Variants in ZMYM4 observed in about 807,000 individuals in gnomAD.
ZMYM4 encodes the protein zinc finger MYM-type protein 4.
Under a neutral mutation model 183.2 loss-of-function variants are expected in ZMYM4, and 31 were observed. That is an observed-to-expected ratio of 0.17 (90% CI 0.13 to 0.23). The LOEUF (loss-of-function observed/expected upper bound fraction) is 0.23, where lower values mean the gene tolerates loss of function less well. Ranked by LOEUF, ZMYM4 falls within the 10% of genes least tolerant of loss-of-function variation. The probability of loss-of-function intolerance (pLI) is 1.00; values close to 1 mark genes in which losing one functional copy is unlikely to be tolerated. For missense variants in ZMYM4, 1,273 were observed against 1,840.3 expected, an observed-to-expected ratio of 0.69 and a Z score of 5.64; for synonymous variants, 592 against 631.2, an observed-to-expected ratio of 0.94 and a Z score of 0.93.
chr1:35,341,283 T>G (rs537471664), intron 2 of ZMYM4, among the ~76,000 whole-genome samples: 2 of 152,096 alleles, frequency 1.3e-5, no homozygotes, highest in African/African-American at 4.8e-5. Context: ...TCCAAAAATA[T>G]TTTGTTGGAC....
At chr1:35,348,199 T>G (rs1336178774) in intron 2 of ZMYM4, among the ~76,000 whole-genome samples, 1 of 152,218 alleles carries the variant, frequency 6.6e-6, no homozygotes, top group Admixed American at 6.5e-5. Context: ...TTAAAATTGG[T>G]AAAAATCAAA....
At chr1:35,388,789 G>A (rs1246753591) in intron 13 of ZMYM4, 121 bp from the exon 14 acceptor site, 2 of 860,670 alleles carry the variant, frequency 2.3e-6, no homozygotes, top group South Asian at 3.2e-5. Context: ...CCTCCCGCCA[G>A]CCTCCCAAAG....
intron 1 of ZMYM4, among the ~76,000 whole-genome samples, chr1:35,272,568 C>T (rs1204050713): frequency 6.6e-6 from 1 of 152,166 alleles, no homozygotes; most frequent in Non-Finnish European, 1.5e-5. Context: ...GGGTTGAGTA[C>T]CAAGTTCTCT....
At chr1:35,328,384 T>G (rs1642593602) in intron 2 of ZMYM4, among the ~76,000 whole-genome samples, 1 of 151,944 alleles carries the variant, frequency 6.6e-6, no homozygotes, top group African/African-American at 2.4e-5. Context: ...TGGGGTCAAG[T>G]GATCCTCCCA....
intron 5 of ZMYM4, among the ~76,000 whole-genome samples, chr1:35,368,732 C>G (rs772929144): frequency 6.6e-6 from 1 of 151,986 alleles, no homozygotes; most frequent in Non-Finnish European, 1.5e-5. Flanking sequence ...TATGAATATT[C>G]ACAGAGATAT....
intron 10 of ZMYM4, 105 bp from the exon 11 acceptor site, chr1:35,385,968 AC>A (rs2148977309): frequency 1.4e-6 from 1 of 702,474 alleles, no homozygotes; most frequent in African/African-American, 1.9e-5. Context: ...CCTACAACTT[AC>A]CCTGGCTCTT....
intron 1 of ZMYM4, among the ~76,000 whole-genome samples, chr1:35,275,129 T>C (rs186614199): frequency 2.6e-4 from 39 of 152,364 alleles, no homozygotes; most frequent in African/African-American, 9.1e-4. Flanking sequence ...TCTTAAAATA[T>C]GTATTCACAG....
At chr1:35,334,098 T>C (rs549788864) in intron 2 of ZMYM4, among the ~76,000 whole-genome samples, 1 of 151,380 alleles carries the variant, frequency 6.6e-6, no homozygotes, top group Non-Finnish European at 1.5e-5. Context: ...GGCGGATCGC[T>C]TGAGCCCAGG....
At chr1:35,321,957 TAA>T (rs550322703) in intron 1 of ZMYM4, among the ~76,000 whole-genome samples, 7 of 144,244 alleles carry the variant, frequency 4.9e-5, no homozygotes, top group Admixed American at 7.0e-5. Flanking sequence ...ATATTGCATT[TAA>T]AAAAAAAAAA....
At chr1:35,359,736 T>C (rs1643896018) in intron 3 of ZMYM4, among the ~76,000 whole-genome samples, 1 of 152,102 alleles carries the variant, frequency 6.6e-6, no homozygotes, top group East Asian at 1.9e-4. Flanking sequence ...TTTTCTTTGG[T>C]TGAACATTGG....
chr1:35,303,536 G>T (rs1158903588), intron 1 of ZMYM4, among the ~76,000 whole-genome samples: 1 of 152,082 alleles, frequency 6.6e-6, no homozygotes, highest in Admixed American at 6.5e-5. Flanking sequence ...CTCCCAAGTG[G>T]CTGCGACTAT....
At chr1:35,391,233 G>A (rs1472032507) in intron 15 of ZMYM4, among the ~76,000 whole-genome samples, 3 of 152,124 alleles carry the variant, frequency 2.0e-5, no homozygotes, top group Non-Finnish European at 4.4e-5. Flanking sequence ...CTTGAGGGAC[G>A]TTTTACATGG....
intron 1 of ZMYM4, among the ~76,000 whole-genome samples, chr1:35,291,792 C>T (rs767407718): frequency 4.6e-5 from 7 of 151,986 alleles, no homozygotes; most frequent in African/African-American, 1.2e-4. Context: ...TGCCTGCCAC[C>T]GCGCCTGTCT....
At chr1:35,351,958 A>G (rs375517461) in intron 2 of ZMYM4, among the ~76,000 whole-genome samples, 2 of 152,192 alleles carry the variant, frequency 1.3e-5, no homozygotes, top group Admixed American at 6.5e-5. Flanking sequence ...CTTGTGCAAA[A>G]TCTAAGTCTA....
intron 1 of ZMYM4, among the ~76,000 whole-genome samples, chr1:35,285,240 A>C (rs769709141): frequency 1.3e-5 from 2 of 152,164 alleles, no homozygotes; most frequent in East Asian, 3.8e-4. Flanking sequence ...ACAGGGATCA[A>C]AATTGAATTT....
chr1:35,411,377 G>A lies in ZMYM4; in HGVS notation c.3949-2595G>A, dbSNP rs548916202. Among the ~76,000 whole-genome samples the A allele has an allele frequency of 9.4e-4, 142 of 151,552 alleles. 1 individual carries two copies. Among genetic ancestry groups the A allele is most frequent in the Non-Finnish European group, 1.6e-3 (109 of 67,870 alleles). On this transcript the variant is annotated intron_variant, in intron 26 of 29. Transcript: ENST00000314607. ...TCACTGTGTTAGCCAGGATGGTCTC[G>A]ATCTCATGACCTTGTGATCCGCCTG...
chr1:35,290,564 G>A (rs1196887539), intron 1 of ZMYM4, among the ~76,000 whole-genome samples: 1 of 151,980 alleles, frequency 6.6e-6, no homozygotes, highest in East Asian at 1.9e-4. Context: ...CCAATAGCTA[G>A]GACTAGAGGT....
At position 35,320,393 on chromosome 1, in the gene ZMYM4, C is replaced by T. The variant is rs1274572259; in HGVS notation, c.40-4967C>T. On this transcript the variant is annotated intron_variant, in intron 1 of 29. Transcript: ENST00000314607. The stretch of plus-strand genomic sequence containing the variant: ...GGAAAGGTGGCATGCCCAGAGAAGA[C>T]GTGGGAACTCCATGCCTCTCCCCAG... 2.0e-5 allele frequency among the ~76,000 whole-genome samples: 3 copies of T among 152,146 alleles called. No individual in the cohort carries two copies. In the East Asian group the frequency reaches 5.8e-4, roughly 29 times the overall value.
intron 28 of ZMYM4, among the ~76,000 whole-genome samples, chr1:35,417,228 C>A (rs1326893701): frequency 1.3e-5 from 2 of 149,646 alleles, no homozygotes; most frequent in Non-Finnish European, 3.0e-5. Flanking sequence ...CAGAGTGAGA[C>A]CCTGTCTCCC....
Sources: gnomAD v4.1 joint callset for allele counts (sites outside exome capture counted in the v4.1 genomes callset) on GRCh38, gnomAD v4.1.1 for gene constraint, MANE v1.5 for transcripts, NCBI Gene and HGNC (gene_info 2026-07-23, HGNC 2026-07-21) for gene names.